The following SLC6A4 variants were observed in gnomAD, a reference collection of about 807,000 sequenced individuals.
The protein encoded by SLC6A4 is solute carrier family 6 member 4, also known as sodium-dependent serotonin transporter.
A neutral mutation model predicts 73.4 loss-of-function variants in SLC6A4; 22 were observed. The ratio of observed to expected loss-of-function variants is 0.30; its 90% CI spans 0.21 to 0.43. The LOEUF is 0.43. Ranked by LOEUF, SLC6A4 falls within the 20% of genes least tolerant of loss-of-function variation. The pLI, the probability that SLC6A4 is intolerant of heterozygous loss-of-function variation, is 1.00. For synonymous variants in SLC6A4, 270 were observed against 315.5 expected (o/e 0.86, Z 1.53); for missense variants, 593 against 808.5 (o/e 0.73, Z 3.23).
chr17:30,226,250 G>A (rs1597645120), intron 1 of SLC6A4, among the ~76,000 whole-genome samples: 2 of 152,336 alleles, frequency 1.3e-5, no homozygotes, highest in East Asian at 3.9e-4. Context: ...CTATTCAGAG[G>A]GAGGCTGAAG....
intron 3 of SLC6A4, among the ~76,000 whole-genome samples, chr17:30,219,792 G>C (rs935504919): frequency 2.0e-5 from 3 of 152,172 alleles, no homozygotes; most frequent in African/African-American, 4.8e-5. Flanking sequence ...GATCAGCTGT[G>C]ATTTTCCCTA....
chr17:30,227,529 A>T (rs909854070), intron 1 of SLC6A4, among the ~76,000 whole-genome samples: 2 of 152,082 alleles, frequency 1.3e-5, no homozygotes, highest in Non-Finnish European at 2.9e-5. Flanking sequence ...ACTGTCATCC[A>T]GGCTGGAGTG....
At position 30,198,415 on chromosome 17, in the gene SLC6A4, G is replaced by A. The variant is rs1459778238; in HGVS notation, c.*41C>T. ...CAGGCGTGCCTCATCAGAACTGGAG[G>A]AGGAGGTTGTGGAGAAGCCTTTTTC... On this transcript the variant is annotated 3_prime_UTR_variant, in exon 15 of 15. Coordinates refer to ENST00000650711, the MANE Select transcript of SLC6A4 (RefSeq NM_001045.6). 2 of 1,170,428 alleles carry A rather than the reference G, an allele frequency of 1.7e-6. No homozygotes were observed. Among genetic ancestry groups the A allele is most frequent in the Admixed American group, 1.9e-5 (1 of 53,054 alleles). The allele number at this position is 1,170,428 out of a possible 1,614,324, so 72.5% of individuals were successfully genotyped here. A position where few individuals can be genotyped will look rare whatever the true frequency, so the allele number is the denominator to read the frequency against.
intron 8 of SLC6A4, among the ~76,000 whole-genome samples, chr17:30,214,291 G>A (rs982934704): frequency 1.3e-5 from 2 of 151,308 alleles, no homozygotes; most frequent in African/African-American, 4.8e-5. Context: ...TCGTGGTGGC[G>A]CATGCCTGTC....
At chr17:30,231,281 T>C (rs1907104174) in intron 1 of SLC6A4, among the ~76,000 whole-genome samples, 2 of 151,528 alleles carry the variant, frequency 1.3e-5, no homozygotes, top group African/African-American at 4.9e-5. Context: ...TGAACCTATA[T>C]ATATAGTATA....
chr17:30,216,848 T>G (rs1416583908), intron 6 of SLC6A4, among the ~76,000 whole-genome samples: 3 of 54,560 alleles, frequency 5.5e-5, no homozygotes, highest in African/African-American at 8.3e-5. Flanking sequence ...TTTTTTTTTG[T>G]TTGTTTGTTT....
At position 30,221,723 on chromosome 17, in the gene SLC6A4, C is replaced by T. The variant is rs760517433; in HGVS notation, c.236G>A (p.Arg79Gln). 2.5e-6 allele frequency: 4 copies of T among 1,614,200 alleles called. No individual in the cohort carries two copies. Among genetic ancestry groups the T allele is most frequent in the Non-Finnish European group, 3.4e-6 (4 of 1,180,032 alleles). ...TLVAELHQGE[R>Q]ETWGKKVDFL... ...ATCCACCTTCTTGCCCCAGGTCTCC[C>T]GTTCCCCTTGATGAAGCTCAGCCAC... Residue 79 changes from arginine (R) to glutamine (Q), a missense_variant, in exon 3 of 15, where the codon CGG becomes CAG. Transcript: ENST00000650711.
chr17:30,220,082 A>G (rs917661746), intron 3 of SLC6A4, among the ~76,000 whole-genome samples: 1 of 152,136 alleles, frequency 6.6e-6, no homozygotes, highest in Non-Finnish European at 1.5e-5. Context: ...TGCTCCTCCT[A>G]GGCAGGAAGC....
At position 30,215,485 on chromosome 17, in the gene SLC6A4, G is replaced by A. The variant is rs1906543345; in HGVS notation, c.1076+126C>T. On this transcript the variant is annotated intron_variant, in intron 8 of 14. Transcript: ENST00000650711. Reference sequence around the variant, plus strand: ...GGTCAGGGGCCTGCAGCACCCCTGAGGGGCAGTGGTATCAAGGCCTAAGCC... The same window carrying A: ...GGTCAGGGGCCTGCAGCACCCCTGAAGGGCAGTGGTATCAAGGCCTAAGCC... 3.9e-6 allele frequency: 3 copies of A among 762,444 alleles called. No individual in the cohort carries two copies. In the East Asian group the frequency reaches 7.4e-5, roughly 19 times the overall value. 47.2% of individuals were successfully genotyped at this position (762,444 alleles called of 1,614,324 possible).
chr17:30,234,762 A>G (rs895293510), intron 1 of SLC6A4, among the ~76,000 whole-genome samples: 1 of 152,200 alleles, frequency 6.6e-6, no homozygotes, highest in African/African-American at 2.4e-5. Flanking sequence ...GACAAAACTG[A>G]TGGTAAAAAT....
At chr17:30,215,231 C>T (rs1906531577) in intron 8 of SLC6A4, among the ~76,000 whole-genome samples, 1 of 152,122 alleles carries the variant, frequency 6.6e-6, no homozygotes, top group African/African-American at 2.4e-5. Context: ...TTAGTACAGA[C>T]AGGGTTTCGC....
chr17:30,224,311 C>T (rs1411218308), intron 1 of SLC6A4, among the ~76,000 whole-genome samples: 1 of 152,104 alleles, frequency 6.6e-6, no homozygotes, highest in Non-Finnish European at 1.5e-5. Flanking sequence ...CTCTGCCTCC[C>T]GGGTTCAAGC....
chr17:30,206,640 T>A (rs914436897), intron 13 of SLC6A4, among the ~76,000 whole-genome samples: 6 of 152,056 alleles, frequency 3.9e-5, no homozygotes, highest in Non-Finnish European at 8.8e-5. Flanking sequence ...CTTGAACAGT[T>A]CTTTTTGTTA....
At chr17:30,219,886 T>C (rs528594039) in intron 3 of SLC6A4, among the ~76,000 whole-genome samples, 68 of 152,342 alleles carry the variant, frequency 4.5e-4, no homozygotes, top group African/African-American at 1.6e-3. Flanking sequence ...ACAGTCACAC[T>C]GGGTAAACCC....
chr17:30,208,487 C>G (rs954226741), intron 12 of SLC6A4, among the ~76,000 whole-genome samples: 4 of 151,936 alleles, frequency 2.6e-5, no homozygotes, highest in Admixed American at 2.6e-4. Context: ...CCCGAGAGGT[C>G]CCAGCAGTTC....
intron 1 of SLC6A4, among the ~76,000 whole-genome samples, chr17:30,224,362 C>T (rs902311722): frequency 3.3e-5 from 5 of 152,092 alleles, no homozygotes; most frequent in Non-Finnish European, 7.4e-5. Flanking sequence ...GGACTACAGG[C>T]GTGCTCCACC....
chr17:30,227,653 T>C (rs1221690301), intron 1 of SLC6A4, among the ~76,000 whole-genome samples: 1 of 152,162 alleles, frequency 6.6e-6, no homozygotes, highest in East Asian at 1.9e-4. Context: ...ACCCAGCTAA[T>C]TTTTTGTATT....
chr17:30,206,602 T>G (rs1375684157), intron 13 of SLC6A4: 2 of 152,132 alleles, frequency 1.3e-5, no homozygotes, highest in East Asian at 3.8e-4. Flanking sequence ...AGGGCCCCCA[T>G]GAAGAGCATA....
intron 2 of SLC6A4, among the ~76,000 whole-genome samples, chr17:30,222,323 A>T (rs1488094386): frequency 6.6e-6 from 1 of 152,224 alleles, no homozygotes; most frequent in African/African-American, 2.4e-5. Flanking sequence ...ACACAAATAG[A>T]CAGCAAATCA....
Sources: gnomAD v4.1 joint callset for allele counts (sites outside exome capture counted in the v4.1 genomes callset) on GRCh38, gnomAD v4.1.1 for gene constraint, MANE v1.5 for transcripts, NCBI Gene and HGNC (gene_info 2026-07-23, HGNC 2026-07-21) for gene names.